TENM4: variants seen among roughly 807,000 people sequenced by gnomAD.
The protein encoded by TENM4 is teneurin-4.
TENM4 carries 82 observed loss-of-function variants against 243.3 expected under a neutral mutation model. The ratio of observed to expected loss-of-function variants is 0.34; its 90% CI spans 0.28 to 0.40. TENM4 has a LOEUF of 0.40. Among genes scored for constraint, TENM4 ranks in the 10% least tolerant of loss-of-function variants. The probability of loss-of-function intolerance (pLI) is 1.00; values close to 1 mark genes in which losing one functional copy is unlikely to be tolerated. For synonymous variants in TENM4, 1,412 were observed against 1,456.3 expected (o/e 0.97, Z 0.69); for missense variants, 3,138 against 3,673.3 (o/e 0.85, Z 3.77).
intron 4 of TENM4, among the ~76,000 whole-genome samples, chr11:79,073,772 G>A (rs974814860): frequency 2.6e-5 from 4 of 152,178 alleles, no homozygotes; most frequent in African/African-American, 7.2e-5. Flanking sequence ...GAGTTAAGAT[G>A]TGCCCCTAGC....
intron 3 of TENM4, among the ~76,000 whole-genome samples, chr11:79,180,235 A>G (rs939009762): frequency 2.6e-5 from 4 of 151,670 alleles, no homozygotes; most frequent in Non-Finnish European, 5.9e-5. Context: ...CCTCCCCCGT[A>G]TTTATGATTC....
At chr11:78,965,699 C>T (rs897993805) in intron 6 of TENM4, among the ~76,000 whole-genome samples, 1 of 152,226 alleles carries the variant, frequency 6.6e-6, no homozygotes, top group Non-Finnish European at 1.5e-5. Flanking sequence ...CTTCTTTCTC[C>T]TACGCATTCC....
intron 30 of TENM4, 69 bp from the exon 31 acceptor site, chr11:78,672,398 G>T: frequency 1.3e-6 from 2 of 1,523,180 alleles, no homozygotes; most frequent in Non-Finnish European, 8.9e-7. Context: ...GATGGGCCAC[G>T]TTGCTCTCAG....
At chr11:79,059,741 AC>A (rs1231542624) in intron 6 of TENM4, among the ~76,000 whole-genome samples, 1 of 152,138 alleles carries the variant, frequency 6.6e-6, no homozygotes, top group African/African-American at 2.4e-5. Flanking sequence ...TTAAACAATA[AC>A]TCCCCAACAG....
chr11:79,160,593 C>T (rs1862722438), intron 3 of TENM4, among the ~76,000 whole-genome samples: 1 of 152,070 alleles, frequency 6.6e-6, no homozygotes, highest in African/African-American at 2.4e-5. Context: ...ACTGTGGAGT[C>T]ATAATCTGTC....
intron 3 of TENM4, among the ~76,000 whole-genome samples, chr11:79,175,280 A>T (rs1038322094): frequency 3.9e-5 from 6 of 152,314 alleles, no homozygotes; most frequent in Non-Finnish European, 7.3e-5. Context: ...TTTATATAAA[A>T]TTTTTTCCAC....
At chr11:79,161,318 T>C (rs1862742180) in intron 3 of TENM4, among the ~76,000 whole-genome samples, 1 of 152,248 alleles carries the variant, frequency 6.6e-6, no homozygotes, top group African/African-American at 2.4e-5. Context: ...ATTCCATTAC[T>C]AATTTCTCCT....
intron 17 of TENM4, among the ~76,000 whole-genome samples, chr11:78,777,865 AT>A (rs1182284331): frequency 6.6e-6 from 1 of 152,194 alleles, no homozygotes; most frequent in Non-Finnish European, 1.5e-5. Flanking sequence ...ATATCTGATT[AT>A]TCTGAGACTT....
Position 78,708,458 on chromosome 11 carries a change from C to T in TENM4, c.4112G>A (p.Arg1371His), listed in dbSNP as rs1249272927. 7 of 1,613,900 alleles carry T rather than the reference C, an allele frequency of 4.3e-6. No homozygotes were observed. Among genetic ancestry groups the T allele is most frequent in the African/African-American group, 1.3e-5 (1 of 74,938 alleles). Reference sequence around the variant, plus strand: ...GGAGATGATCCCATTCTGATCGATGCGTCTGATCATGGTGCCATCCACGAA... The same window carrying T: ...GGAGATGATCCCATTCTGATCGATGTGTCTGATCATGGTGCCATCCACGAA... ...IYFVDGTMIR[R>H]IDQNGIISTL... Residue 1371 changes from arginine (R) to histidine (H), a missense_variant, in exon 27 of 34, where the codon CGC (arginine) becomes CAC (histidine). Physicochemically the swap from Arg to His is conservative, Grantham distance 29 (BLOSUM62 0). Transcript: ENST00000278550.
At chr11:79,240,398 C>T (rs140747281) in intron 2 of TENM4, among the ~76,000 whole-genome samples, 81 of 152,234 alleles carry the variant, frequency 5.3e-4, no homozygotes, top group African/African-American at 1.9e-3. Flanking sequence ...TGTGGAAAGG[C>T]TACTGGTAGC....
chr11:79,164,384 T>C (rs1299549403), intron 3 of TENM4, among the ~76,000 whole-genome samples: 1 of 131,920 alleles, frequency 7.6e-6, no homozygotes, highest in Non-Finnish European at 1.6e-5. Flanking sequence ...ATATAGTGTA[T>C]ATACTATATA....
intron 2 of TENM4, among the ~76,000 whole-genome samples, chr11:79,280,482 G>C (rs894497166): frequency 6.6e-6 from 1 of 152,198 alleles, no homozygotes; most frequent in Non-Finnish European, 1.5e-5. Flanking sequence ...ATTTGAGTGG[G>C]AACAGGAGAA....
At chr11:78,685,626 T>C (rs1858647047) in intron 29 of TENM4, among the ~76,000 whole-genome samples, 3 of 152,232 alleles carry the variant, frequency 2.0e-5, no homozygotes, top group Admixed American at 2.0e-4. Flanking sequence ...CACTTTCAAA[T>C]TTTAAAAAGT....
At chr11:79,037,526 C>T (rs1269554936) in intron 6 of TENM4, among the ~76,000 whole-genome samples, 1 of 151,870 alleles carries the variant, frequency 6.6e-6, no homozygotes, top group African/African-American at 2.4e-5. Context: ...TTACAATTTT[C>T]ACAGTTAAGC....
At chr11:78,925,606 T>C (rs1856535701) in intron 6 of TENM4, among the ~76,000 whole-genome samples, 1 of 135,854 alleles carries the variant, frequency 7.4e-6, no homozygotes, top group South Asian at 2.3e-4. Context: ...TTTCACACAC[T>C]CCTCCATGTC....
chr11:79,429,404 G>A (rs1859121276), intron 1 of TENM4, among the ~76,000 whole-genome samples: 2 of 152,126 alleles, frequency 1.3e-5, no homozygotes, highest in East Asian at 1.9e-4. Flanking sequence ...AGGAGCCAGC[G>A]GACCAGCAGC....
At chr11:79,357,570 G>A (rs1426753244) in intron 1 of TENM4, among the ~76,000 whole-genome samples, 1 of 152,174 alleles carries the variant, frequency 6.6e-6, no homozygotes, top group Non-Finnish European at 1.5e-5. Context: ...CTTGAACATG[G>A]TGGTACCCCA....
intron 3 of TENM4, among the ~76,000 whole-genome samples, chr11:79,184,586 G>A (rs2135147753): frequency 6.6e-6 from 1 of 152,078 alleles, no homozygotes; most frequent in South Asian, 2.1e-4. Flanking sequence ...CCTAACCCAG[G>A]GGACATTATG....
chr11:78,658,900 G>T, intron 33 of TENM4, 84 bp from the exon 34 acceptor site: 1 of 1,449,734 alleles, frequency 6.9e-7, no homozygotes, highest in Non-Finnish European at 9.3e-7. Context: ...AAATAATGAA[G>T]TCAAAACCAC....
Sources: allele counts gnomAD v4.1 joint callset (sites outside exome capture counted in the v4.1 genomes callset), GRCh38; gene constraint gnomAD v4.1.1; transcripts MANE v1.5; gene names NCBI Gene and HGNC (gene_info 2026-07-23, HGNC 2026-07-21).